GRK5: variants seen among roughly 807,000 people sequenced by gnomAD.
GRK5 encodes the protein g protein-coupled receptor kinase GRK5.
In GRK5, 40 loss-of-function variants were observed where a neutral mutation model predicts 78.4. The ratio of observed to expected loss-of-function variants is 0.51; its 90% CI spans 0.40 to 0.66. The LOEUF (loss-of-function observed/expected upper bound fraction) is 0.66, where lower values mean the gene tolerates loss of function less well. Ranked by LOEUF, GRK5 falls within the 30% of genes least tolerant of loss-of-function variation. GRK5 has a pLI of 0.00. For missense variants in GRK5, 598 were observed against 759.9 expected, an observed-to-expected ratio of 0.79 and a Z score of 2.50; for synonymous variants, 289 against 296.8, an observed-to-expected ratio of 0.97 and a Z score of 0.27.
intron 1 of GRK5, among the ~76,000 whole-genome samples, chr10:119,255,665 C>T (rs891137922): frequency 6.6e-6 from 1 of 152,202 alleles, no homozygotes; most frequent in Non-Finnish European, 1.5e-5. Flanking sequence ...AGCCTCTGGC[C>T]GTTCCCGCCA....
At chr10:119,382,847 C>T (rs763529538) in intron 3 of GRK5, among the ~76,000 whole-genome samples, 26 of 152,260 alleles carry the variant, frequency 1.7e-4, no homozygotes, top group Non-Finnish European at 3.2e-4. Context: ...GTTGTTCCTA[C>T]AGAAGAGCTT....
At chr10:119,442,156 C>T in intron 11 of GRK5, 68 bp downstream of exon 11, 2 of 1,256,944 alleles carry the variant, frequency 1.6e-6, no homozygotes, top group South Asian at 2.4e-5. Flanking sequence ...GGCCGAGCCC[C>T]CAGAGCCTGC....
In GRK5 at chr10:119,271,828, A is replaced by G. The variant is rs1199853220; in HGVS notation, c.53-54688A>G. On this transcript the variant is annotated intron_variant, in intron 1 of 15. Transcript: ENST00000392870. The surrounding 1 kb of genome is among the most constrained non-coding windows in gnomAD (Gnocchi z 4.1). ...GTGACGTTGGGGAAGTTGCTTGCCT[A>G]ATATGTGTGTGTTTCCTCATCTGTG... Among the ~76,000 whole-genome samples, 1 of 151,872 alleles carries G rather than the reference A, an allele frequency of 6.6e-6. No individual in the cohort carries two copies. The highest frequency in any genetic ancestry group is 1.5e-5 in the Non-Finnish European group (1 of 67,956).
chr10:119,245,209 C>A (rs1283842866), intron 1 of GRK5, among the ~76,000 whole-genome samples: 1 of 151,916 alleles, frequency 6.6e-6, no homozygotes, highest in Non-Finnish European at 1.5e-5. Flanking sequence ...ACCCAGTAGG[C>A]GGAGGTTGCA....
intron 3 of GRK5, among the ~76,000 whole-genome samples, chr10:119,390,128 G>C (rs912876117): frequency 6.6e-6 from 1 of 152,214 alleles, no homozygotes; most frequent in Non-Finnish European, 1.5e-5. Context: ...GCAGCTGGTG[G>C]GGGTGAGGAT....
intron 2 of GRK5, among the ~76,000 whole-genome samples, chr10:119,357,877 G>T (rs1047489367): frequency 6.6e-6 from 1 of 152,174 alleles, no homozygotes; most frequent in African/African-American, 2.4e-5. Context: ...TTCCTGACTC[G>T]GATGCCTTGA....
chr10:119,422,897 G>A (rs4752307), intron 4 of GRK5, among the ~76,000 whole-genome samples: 56,624 of 152,160 alleles, frequency 0.37, 12,056 homozygotes, highest in African/African-American at 0.58. Context: ...CACACAGCCT[G>A]TAAGTGACAC....
In GRK5 at chr10:119,283,689, C is replaced by T. The variant is rs543165659; in HGVS notation, c.53-42827C>T. Among the ~76,000 whole-genome samples the T allele has an allele frequency of 9.2e-4, 140 of 152,270 alleles. 2 individuals carry two copies. The highest frequency in any genetic ancestry group is 1.3e-3 in the East Asian group (7 of 5,196). On this transcript the variant is annotated intron_variant, in intron 1 of 15. Transcript: ENST00000392870. ...TCTGCTTTCTAATGCTGATGGCTTC[C>T]CTGAGATCCCAGAGTCATCAAGGGT...
At chr10:119,291,539 C>T (rs564268790) in intron 1 of GRK5, among the ~76,000 whole-genome samples, 17 of 143,736 alleles carry the variant, frequency 1.2e-4, no homozygotes, top group Non-Finnish European at 2.3e-4. Context: ...TCCTCCTCCT[C>T]TTCCTCCTCC....
chr10:119,261,059 A>G (rs1210329651), intron 1 of GRK5, among the ~76,000 whole-genome samples: 2 of 59,414 alleles, frequency 3.4e-5, no homozygotes, highest in Admixed American at 1.9e-4. Context: ...TCCCTCCCGG[A>G]CGGGGCGGCT....
intron 3 of GRK5, among the ~76,000 whole-genome samples, chr10:119,388,124 A>ATT (rs879773133): frequency 4.1e-4 from 59 of 145,272 alleles, no homozygotes; most frequent in African/African-American, 1.4e-3. Context: ...GGCTAATTAA[A>ATT]TTTTTTTTTT....
At chr10:119,435,486 C>T (rs1852902879) in intron 8 of GRK5, among the ~76,000 whole-genome samples, 1 of 152,198 alleles carries the variant, frequency 6.6e-6, no homozygotes, top group Non-Finnish European at 1.5e-5. Context: ...TCAAAAATCT[C>T]TAGGGCAGGG....
intron 2 of GRK5, among the ~76,000 whole-genome samples, chr10:119,365,910 C>A (rs1258789459): frequency 6.6e-6 from 1 of 152,230 alleles, no homozygotes; most frequent in Non-Finnish European, 1.5e-5. Flanking sequence ...ATGCAGCCAT[C>A]AGCTGCAGTT....
At chr10:119,261,357 C>G (rs529576545) in intron 1 of GRK5, among the ~76,000 whole-genome samples, 1 of 147,068 alleles carries the variant, frequency 6.8e-6, no homozygotes, top group East Asian at 2.0e-4. Flanking sequence ...CGGGAAGAGG[C>G]GCTCCTCACT....
chr10:119,423,344 C>G, intron 5 of GRK5, 78 bp downstream of exon 5: 8 of 972,160 alleles, frequency 8.2e-6, no homozygotes, highest in Non-Finnish European at 1.2e-5. Context: ...CCTGACCATA[C>G]AGGGCACTGA....
intron 2 of GRK5, among the ~76,000 whole-genome samples, chr10:119,357,343 T>G (rs76284512): frequency 2.5e-3 from 377 of 152,348 alleles, no homozygotes; most frequent in African/African-American, 8.7e-3. Flanking sequence ...AGGGCCTGTG[T>G]TGTGTCTGCA....
intron 6 of GRK5, among the ~76,000 whole-genome samples, chr10:119,426,549 G>T (rs1852680341): frequency 6.6e-6 from 1 of 152,216 alleles, no homozygotes; most frequent in African/African-American, 2.4e-5. Context: ...TGCATTGTGG[G>T]CTTGGGCTGA....
intron 1 of GRK5, among the ~76,000 whole-genome samples, chr10:119,313,030 C>T (rs1054432262): frequency 0.022 from 68 of 3,160 alleles, no homozygotes; most frequent in South Asian, 0.1. Context: ...GTGGTAATGG[C>T]AGTGGTGATG....
chr10:119,410,052 T>C (rs1374809459), intron 4 of GRK5, among the ~76,000 whole-genome samples: 2 of 152,264 alleles, frequency 1.3e-5, no homozygotes, highest in African/African-American at 4.8e-5. Flanking sequence ...AGCCCCCGCG[T>C]GCGCGGCCTG....
Sources: allele counts gnomAD v4.1 joint callset (sites outside exome capture counted in the v4.1 genomes callset), GRCh38; gene constraint gnomAD v4.1.1; non-coding constraint Gnocchi (gnomAD v3.1); transcripts MANE v1.5; gene names NCBI Gene and HGNC (gene_info 2026-07-23, HGNC 2026-07-21).